Variants in DAAM2 observed in about 807,000 individuals in gnomAD.
The protein encoded by DAAM2 is dishevelled associated activator of morphogenesis 2.
In DAAM2, 39 loss-of-function variants were observed where a neutral mutation model predicts 120.7. The ratio of observed to expected loss-of-function variants is 0.32; its 90% CI spans 0.25 to 0.42. The LOEUF (loss-of-function observed/expected upper bound fraction) is 0.42. DAAM2 is among the 10% of genes least tolerant of loss of function. The pLI, the probability that DAAM2 is intolerant of heterozygous loss-of-function variation, is 1.00. For missense variants in DAAM2, 1,283 were observed against 1,401.7 expected (o/e 0.92, Z 1.35); for synonymous variants, 488 against 524.9 (o/e 0.93, Z 0.96).
At chr6:39,835,799 A>G (rs780768920) in intron 1 of DAAM2, among the ~76,000 whole-genome samples, 13 of 152,158 alleles carry the variant, frequency 8.5e-5, no homozygotes, top group African/African-American at 1.2e-4. Flanking sequence ...CCCTAATGAG[A>G]TGGCCAGGCT....
intron 1 of DAAM2, among the ~76,000 whole-genome samples, chr6:39,848,404 G>A (rs1274465160): frequency 6.6e-6 from 1 of 152,094 alleles, no homozygotes; most frequent in East Asian, 1.9e-4. Context: ...TAGTGCCCTA[G>A]TGAGTCAAAG....
chr6:39,904,679 G>A lies in DAAM2; in HGVS notation c.*2642G>A, dbSNP rs748399401. The A allele has an allele frequency of 9.5e-5, 43 of 453,454 alleles. No individual in the cohort carries two copies. Among genetic ancestry groups the A allele is most frequent in the Middle Eastern group, 6.9e-4 (1 of 1,444 alleles). 28.1% of individuals were successfully genotyped at this position (453,454 alleles called of 1,614,324 possible). On this transcript the variant is annotated 3_prime_UTR_variant, in exon 25 of 25. Coordinates refer to ENST00000274867, the MANE Select transcript of DAAM2 (RefSeq NM_001201427.2). ...ACTCCCATCCCATTTCCACCAACTG[G>A]GGAACTGTGACTATCTATCTCCCCC...
In DAAM2 at chr6:39,860,957, A is replaced by G. The variant is rs1257967184; in HGVS notation, c.198A>G (p.Arg66=). The stretch of plus-strand genomic sequence containing the variant: ...AATTGGATCTCACTGACAAAAACCG[A>G]GAGGCTATGTTTGCACTGCCCCCTG... ...VDELDLTDKN[R]EAMFALPPEK... is the part of the protein sequence containing the mutation. Residue 66 remains arginine (R), a synonymous_variant, in exon 3 of 25, where the codon CGA becomes CGG. Transcript: ENST00000274867. 6.2e-7 allele frequency: 1 copy of G among 1,613,364 alleles called. No homozygotes were observed. The highest frequency in any genetic ancestry group is 1.1e-5 in the South Asian group (1 of 90,792).
At chr6:39,884,090 G>A in intron 15 of DAAM2, 21 bp downstream of exon 15, 1 of 1,362,854 alleles carries the variant, frequency 7.3e-7, no homozygotes, top group Non-Finnish European at 1.0e-6. Flanking sequence ...ATACCCTCTG[G>A]CCTCTTGGAC....
chr6:39,869,203 T>C (rs1764551569), intron 7 of DAAM2, among the ~76,000 whole-genome samples: 1 of 152,128 alleles, frequency 6.6e-6, no homozygotes, highest in South Asian at 2.1e-4. Context: ...GTTTTCTCGT[T>C]GGCTGGTCAT....
intron 15 of DAAM2, 172 bp from the exon 16 acceptor site, chr6:39,887,314 C>T (rs898669888): frequency 4.9e-5 from 27 of 556,022 alleles, no homozygotes; most frequent in South Asian, 4.5e-5. Context: ...TCCCAGATAC[C>T]GTCTCTTAAA....
intron 1 of DAAM2, among the ~76,000 whole-genome samples, chr6:39,823,993 G>A (rs374416769): frequency 6.6e-6 from 1 of 152,094 alleles, no homozygotes; most frequent in Admixed American, 6.5e-5. Context: ...TGGGCCCTGG[G>A]TGGTCATTCT....
chr6:39,903,875 G>C lies in DAAM2; in HGVS notation c.*1838G>C. ...AGCCTGGCTGACACAGGTGTGAAGA[G>C]GCCATCCTGGAACCCAGGTGAGGGC... On this transcript the variant is annotated 3_prime_UTR_variant, in exon 25 of 25. Transcript: ENST00000274867. The C allele has an allele frequency of 3.3e-6, 1 of 301,608 alleles. No homozygotes were observed. The highest frequency in any genetic ancestry group is 6.4e-6 in the Non-Finnish European group (1 of 156,418). The allele number at this position is 301,608 out of a possible 1,614,324, so 18.7% of individuals were successfully genotyped here.
At chr6:39,798,078 G>A (rs191975853) in intron 1 of DAAM2, among the ~76,000 whole-genome samples, 7 of 152,310 alleles carry the variant, frequency 4.6e-5, no homozygotes, top group Non-Finnish European at 5.9e-5. Context: ...TTACCATCTA[G>A]CATTTCACAG....
Position 39,904,381 on chromosome 6 carries a change from TAAG to T in DAAM2, c.*2348_*2350del, listed in dbSNP as rs773015714. On this transcript the variant is annotated 3_prime_UTR_variant, in exon 25 of 25. Coordinates refer to ENST00000274867, the MANE Select transcript of DAAM2 (RefSeq NM_001201427.2). ...GACCATGGACTCATACTCAACTGAG[TAAG>T]AAGGGGCTGGTGCCCAGTCGGGGTG... The T allele has an allele frequency of 1.8e-5, 8 of 456,308 alleles. No homozygotes were observed. The highest frequency in any genetic ancestry group is 1.4e-4 in the African/African-American group (7 of 50,056). 28.3% of individuals were successfully genotyped at this position (456,308 alleles called of 1,614,324 possible).
At chr6:39,814,563 A>G (rs1236342650) in intron 1 of DAAM2, among the ~76,000 whole-genome samples, 1 of 152,272 alleles carries the variant, frequency 6.6e-6, no homozygotes, top group African/African-American at 2.4e-5. Flanking sequence ...AGTAAGATCC[A>G]TGTGGCACAG....
intron 1 of DAAM2, among the ~76,000 whole-genome samples, chr6:39,853,743 G>T (rs1763898761): frequency 6.6e-6 from 1 of 152,162 alleles, no homozygotes; most frequent in African/African-American, 2.4e-5. Context: ...CTCCCTCATG[G>T]TGCTGTCATC....
intron 2 of DAAM2, among the ~76,000 whole-genome samples, chr6:39,858,476 C>A (rs1764091398): frequency 6.6e-6 from 1 of 151,986 alleles, no homozygotes; most frequent in South Asian, 2.1e-4. Context: ...CAAAGAATAC[C>A]CTGGTTTCTG....
chr6:39,868,698 C>G lies in DAAM2; in HGVS notation c.763-125C>G. ...GCAGCCCAGAGTAAATTGGACAGAC[C>G]TGATTGGGTGGAGAGAGCAGATGGG... is the stretch of plus-strand genomic sequence containing the variant. On this transcript the variant is annotated intron_variant, in intron 6 of 24. Transcript: ENST00000274867. 1.1e-5 allele frequency: 8 copies of G among 701,726 alleles called. No homozygotes were observed. In the South Asian group the frequency reaches 1.4e-4, roughly 13 times the overall value. 43.5% of individuals were successfully genotyped at this position (701,726 alleles called of 1,614,324 possible). A position where few individuals can be genotyped will look rare whatever the true frequency, so the allele number is the denominator to read the frequency against.
intron 1 of DAAM2, among the ~76,000 whole-genome samples, chr6:39,811,174 A>AGTGTGTGT (rs59432565): frequency 0.022 from 3,231 of 146,484 alleles, 48 homozygotes; most frequent in South Asian, 0.057. Context: ...AACTGAAGGG[A>AGTGTGTGT]GTGTGTGTGT....
chr6:39,800,476 A>C (rs1761828000), intron 1 of DAAM2, among the ~76,000 whole-genome samples: 2 of 152,220 alleles, frequency 1.3e-5, no homozygotes, highest in Admixed American at 1.3e-4. Context: ...CAAATCGGGC[A>C]GCATAGTATA....
At position 39,865,057 on chromosome 6, in the gene DAAM2, C is replaced by A; in HGVS notation, c.411C>A (p.Leu137=). ...TCGTGGAAGACCTGAAGACAGCCCT[C>A]CGGACACAGCCTATGAGGTAATTCA... ...NQVVEDLKTA[L]RTQPMRFVTR... Residue 137 remains leucine (L), a synonymous_variant, in exon 5 of 25, where the codon CTC becomes CTA. Transcript: ENST00000274867. 6.4e-7 allele frequency: 1 copy of A among 1,571,506 alleles called. No homozygotes were observed. The highest frequency in any genetic ancestry group is 1.1e-5 in the South Asian group (1 of 87,626).
chr6:39,872,359 C>CT (rs1203153780), intron 9 of DAAM2, among the ~76,000 whole-genome samples: 1 of 152,158 alleles, frequency 6.6e-6, no homozygotes, highest in Non-Finnish European at 1.5e-5. Flanking sequence ...CTGTGGAAGC[C>CT]TCCCCCGGGA....
At position 39,860,825 on chromosome 6, in the gene DAAM2, C is replaced by T; in HGVS notation, c.169-103C>T. 4 of 888,914 alleles carry T rather than the reference C, an allele frequency of 4.5e-6. No homozygotes were observed. In the Admixed American group the frequency reaches 8.3e-5, roughly 18 times the overall value. The allele number at this position is 888,914 out of a possible 1,614,324, so 55.1% of individuals were successfully genotyped here. The stretch of plus-strand genomic sequence containing the variant: ...CTCTTCGGGAGGAAGATAGTAGTAG[C>T]CTGAGGAACTGATTTGGGGGAATTG... On this transcript the variant is annotated intron_variant, in intron 2 of 24. Coordinates refer to ENST00000274867, the MANE Select transcript of DAAM2 (RefSeq NM_001201427.2).
Sources: gnomAD v4.1 joint callset for allele counts (sites outside exome capture counted in the v4.1 genomes callset) on GRCh38, gnomAD v4.1.1 for gene constraint, MANE v1.5 for transcripts, NCBI Gene and HGNC (gene_info 2026-07-23, HGNC 2026-07-21) for gene names.